PLCG1: variants seen among roughly 807,000 people sequenced by gnomAD.
The protein encoded by PLCG1 is phospholipase C gamma 1.
In PLCG1, 71 loss-of-function variants were observed where a neutral mutation model predicts 177.8. The observed-to-expected ratio is 0.40, with a 90% CI of 0.33 to 0.49. PLCG1 has a LOEUF of 0.49. Ranked by LOEUF, PLCG1 falls within the 20% of genes least tolerant of loss-of-function variation. The pLI is 0.72. For synonymous variants in PLCG1, 658 were observed against 647.9 expected (o/e 1.02, Z -0.24); for missense variants, 1,281 against 1,709.0 (o/e 0.75, Z 4.42).
chr20:41,177,381 G>GCTCC lies in PLCG1; in HGVS notation c.*2872_*2873insCTCC, dbSNP rs2036093640. The GCTCC allele has an allele frequency of 6.6e-6, 1 of 152,270 alleles. No homozygotes were observed. Among genetic ancestry groups the GCTCC allele is most frequent in the Admixed American group, 6.5e-5 (1 of 15,284 alleles). The allele number at this position is 152,270 out of a possible 1,614,324, so 9.4% of individuals were successfully genotyped here. ...AGTTTCTGACCTCAGTTGAGTATCT[G>GCTCC]TGGCCATGAGCAGAAAAGGCAGGGG... On this transcript the variant is annotated 3_prime_UTR_variant, in exon 32 of 32. Transcript: ENST00000685551.
intron 1 of PLCG1, among the ~76,000 whole-genome samples, chr20:41,142,208 G>A (rs1302843803): frequency 6.6e-6 from 1 of 152,236 alleles, no homozygotes; most frequent in East Asian, 1.9e-4. Context: ...GACCTTTGAG[G>A]TAGGCCTTGA....
rs34825003 is a variant in PLCG1 at position 41,153,455 on chromosome 20, T to A, written c.218-6151T>A. ...ACAGGCATGTGCTACCATGTCTAGC[T>A]AAGTTTTTTTAATTTTTATTTTTTG... On this transcript the variant is annotated intron_variant, in intron 1 of 31. Coordinates refer to ENST00000685551, the MANE Select transcript of PLCG1 (RefSeq NM_002660.3). The surrounding 1 kb of genome is among the most constrained non-coding windows in gnomAD (Gnocchi z 5.1). 7.5e-3 allele frequency among the ~76,000 whole-genome samples: 1,143 copies of A among 152,278 alleles called. 13 individuals carry two copies. The highest frequency in any genetic ancestry group is 0.023 in the East Asian group (118 of 5,178).
Position 41,137,897 on chromosome 20 carries a change from G to T in PLCG1, c.217+39G>T. On this transcript the variant is annotated intron_variant, in intron 1 of 31. Transcript: ENST00000685551. This position sits in a 1 kb window ranked among gnomAD's most constrained non-coding sequence, Gnocchi z 7.3. ...CTTCCTGCCTGGGCCCGCCCCGCGC[G>T]GGGGTCGTGGGAGCCCGGCCCGACT... The T allele has an allele frequency of 1.6e-6, 2 of 1,216,718 alleles. No individual in the cohort carries two copies. Among genetic ancestry groups the T allele is most frequent in the Non-Finnish European group, 1.0e-6 (1 of 960,228 alleles). 75.4% of individuals were successfully genotyped at this position (1,216,718 alleles called of 1,614,324 possible).
At position 41,159,261 on chromosome 20, in the gene PLCG1, A is replaced by AGTG. The variant is rs763902413; in HGVS notation, c.218-342_218-340dup. ...GATTTGTGTGTACCTTGTGTCAGGA[A>AGTG]GTGGTCCTCATGAACAGCCTTGGGT... On this transcript the variant is annotated intron_variant, in intron 1 of 31. Transcript: ENST00000685551. This position sits in a 1 kb window ranked among gnomAD's most constrained non-coding sequence, Gnocchi z 6.0. Among the ~76,000 whole-genome samples the AGTG allele has an allele frequency of 2.0e-4, 30 of 152,280 alleles. No individual in the cohort carries two copies. The highest frequency in any genetic ancestry group is 1.0e-3 in the South Asian group (5 of 4,828).
chr20:41,166,703 C>T lies in PLCG1; in HGVS notation c.2145C>T (p.Cys715=), dbSNP rs765266484. ...GGGCTGAGGGCAAGATCAAGCATTG[C>T]CGTGTCCAGCAAGAGGGCCAGACAG... ...SFRAEGKIKH[C]RVQQEGQTVM... The change falls in exon 19 of 32, where the codon TGC becomes TGT. Residue 715 remains cysteine, a synonymous_variant. Coordinates refer to ENST00000685551, the MANE Select transcript of PLCG1 (RefSeq NM_002660.3). This position sits in a 1 kb window ranked among gnomAD's most constrained non-coding sequence, Gnocchi z 8.6. 4 of 1,614,166 alleles carry T rather than the reference C, an allele frequency of 2.5e-6. No homozygotes were observed. The South Asian group carries it at 3.3e-5, about 13-fold the overall frequency.
At position 41,163,116 on chromosome 20, in the gene PLCG1, G is replaced by A. The variant is rs2035566996; in HGVS notation, c.717-87G>A. ...CCATGCTGGACCATTCTGGGAAGCT[G>A]TGCTGGCTGGGAGTTGGGTTCTGCC... is the stretch of plus-strand genomic sequence containing the variant. On this transcript the variant is annotated intron_variant, in intron 7 of 31. Coordinates refer to ENST00000685551, the MANE Select transcript of PLCG1 (RefSeq NM_002660.3). The surrounding 1 kb of genome is among the most constrained non-coding windows in gnomAD (Gnocchi z 5.2). The A allele has an allele frequency of 3.3e-6, 5 of 1,496,192 alleles. No homozygotes were observed. The Admixed American group carries it at 8.6e-5, about 26-fold the overall frequency. The allele number at this position is 1,496,192 out of a possible 1,614,324, so 92.7% of individuals were successfully genotyped here. A position where few individuals can be genotyped will look rare whatever the true frequency, so the allele number is the denominator to read the frequency against.
At position 41,157,230 on chromosome 20, in the gene PLCG1, G is replaced by GTGTGTA. The variant is rs2035352321; in HGVS notation, c.218-2371_218-2370insATGTGT. Reference sequence around the variant, plus strand: ...TGTGTGTGTGTGTGTGTGTGTGTGTGTGTGTGTGTGTACAGTCACACTCAC... The same window carrying GTGTGTA: ...TGTGTGTGTGTGTGTGTGTGTGTGTGTGTGTATGTGTGTGTGTACAGTCACACTCAC... On this transcript the variant is annotated intron_variant, in intron 1 of 31. Transcript: ENST00000685551. The surrounding 1 kb of genome is among the most constrained non-coding windows in gnomAD (Gnocchi z 5.4). Among the ~76,000 whole-genome samples the GTGTGTA allele has an allele frequency of 6.7e-6, 1 of 149,562 alleles. No individual in the cohort carries two copies. The highest frequency in any genetic ancestry group is 1.5e-5 in the Non-Finnish European group (1 of 66,474).
Position 41,173,648 on chromosome 20 carries a change from A to G in PLCG1, c.3395-4A>G, listed in dbSNP as rs374044970. 3.1e-6 allele frequency: 5 copies of G among 1,614,056 alleles called. No homozygotes were observed. The African/African-American group carries it at 5.3e-5, about 17-fold the overall frequency. On this transcript the variant is annotated splice_region_variant and splice_polypyrimidine_tract_variant and intron_variant, in intron 28 of 31. Transcript: ENST00000685551. The surrounding 1 kb of genome is among the most constrained non-coding windows in gnomAD (Gnocchi z 6.2). ...CCTGAAGCCTTTTGTCGTTGCCTTC[A>G]CAGTGGACAATGGACTCAACCCTGT... is the stretch of plus-strand genomic sequence containing the variant.
chr20:41,154,915 C>T lies in PLCG1; in HGVS notation c.218-4691C>T, dbSNP rs190986123. On this transcript the variant is annotated intron_variant, in intron 1 of 31. Transcript: ENST00000685551. The stretch of plus-strand genomic sequence containing the variant: ...GCATAGGGTGGCTCAGATGAGGAAA[C>T]AGGCTCCTCTTTTAAAGGGAAAGCA... Among the ~76,000 whole-genome samples, 77 of 152,302 alleles carry T rather than the reference C, an allele frequency of 5.1e-4. 1 individual carries two copies. The highest frequency in any genetic ancestry group is 4.8e-3 in the East Asian group (25 of 5,184).
Position 41,166,995 on chromosome 20 carries a change from G to C in PLCG1, c.2301+136G>C, listed in dbSNP as rs1762238349. On this transcript the variant is annotated intron_variant, in intron 19 of 31. Coordinates refer to ENST00000685551, the MANE Select transcript of PLCG1 (RefSeq NM_002660.3). The surrounding 1 kb of genome is among the most constrained non-coding windows in gnomAD (Gnocchi z 8.6). ...TGGGAGGGCCCCTGACTCCAGCTGG[G>C]AGCCACAGTGTGGGTACCAGGAGGG... 1 of 772,670 alleles carries C rather than the reference G, an allele frequency of 1.3e-6. No individual in the cohort carries two copies. The highest frequency in any genetic ancestry group is 2.2e-6 in the Non-Finnish European group (1 of 460,140). 47.9% of individuals were successfully genotyped at this position (772,670 alleles called of 1,614,324 possible).
rs1296894431 is a variant in PLCG1, at chr20:41,148,691, G to A, written c.217+10833G>A. Among the ~76,000 whole-genome samples, 1 of 152,180 alleles carries A rather than the reference G, an allele frequency of 6.6e-6. No individual in the cohort carries two copies. Among genetic ancestry groups the A allele is most frequent in the African/African-American group, 2.4e-5 (1 of 41,434 alleles). On this transcript the variant is annotated intron_variant, in intron 1 of 31. Transcript: ENST00000685551. The surrounding 1 kb of genome is among the most constrained non-coding windows in gnomAD (Gnocchi z 4.3). ...CTCTCAAGGAGTTTACGCTCTAGTGGAGAAAACAATCAGACAGCCTTAAAA... is the reference window on the plus strand; with the variant it reads ...CTCTCAAGGAGTTTACGCTCTAGTGAAGAAAACAATCAGACAGCCTTAAAA...
chr20:41,168,743 G>A (rs756077854), intron 20 of PLCG1, 24 bp from the exon 21 acceptor site: 1 of 1,468,346 alleles, frequency 6.8e-7, no homozygotes, highest in Non-Finnish European at 9.5e-7. Context: ...TTTCTGCTCT[G>A]ACTGGTGCTT....
At position 41,165,595 on chromosome 20, in the gene PLCG1, T is replaced by TG. The variant is rs55930581; in HGVS notation, c.1612-41dup. On this transcript the variant is annotated intron_variant, in intron 15 of 31. Transcript: ENST00000685551. The surrounding 1 kb of genome is among the most constrained non-coding windows in gnomAD (Gnocchi z 6.6). ...TCTGGGGGCTGGGCCAGGTCAGGCC[T>TG]GGGCCAGGGTCACAGTATCTTTGCT... The TG allele has an allele frequency of 1.5e-3, 2,413 of 1,612,092 alleles. 5 individuals carry two copies. Among genetic ancestry groups the TG allele is most frequent in the Non-Finnish European group, 1.9e-3 (2,284 of 1,178,302 alleles).
chr20:41,170,487 G>T (rs2035862609), intron 24 of PLCG1: 1 of 551,022 alleles, frequency 1.8e-6, no homozygotes, highest in Admixed American at 3.3e-5. Context: ...ATACTGATGG[G>T]TCGTTGAAGT....
chr20:41,167,773 A>G lies in PLCG1; in HGVS notation c.2302-79A>G, dbSNP rs1167478202. On this transcript the variant is annotated intron_variant, in intron 19 of 31. Coordinates refer to ENST00000685551, the MANE Select transcript of PLCG1 (RefSeq NM_002660.3). The surrounding 1 kb of genome is among the most constrained non-coding windows in gnomAD (Gnocchi z 4.4). ...AGTTTGCTGCACTGGGGGAAAGGGA[A>G]GCTGCTCCAGAAACCAGTAGCTGCT... is the stretch of plus-strand genomic sequence containing the variant. The G allele has an allele frequency of 3.0e-6, 3 of 1,008,528 alleles. No homozygotes were observed. Among genetic ancestry groups the G allele is most frequent in the African/African-American group, 3.1e-5 (2 of 63,618 alleles). 62.5% of individuals were successfully genotyped at this position (1,008,528 alleles called of 1,614,324 possible).
Position 41,165,928 on chromosome 20 carries a change from C to T in PLCG1, c.1799+102C>T, listed in dbSNP as rs2035672070. On this transcript the variant is annotated intron_variant, in intron 16 of 31. Transcript: ENST00000685551. The surrounding 1 kb of genome is among the most constrained non-coding windows in gnomAD (Gnocchi z 6.6). ...TAACATTTGAGCCTTTGATCCAGGA[C>T]AATAATTAGGCTTTACATGGAACAT... 2.0e-6 allele frequency: 2 copies of T among 1,001,530 alleles called. No homozygotes were observed. The highest frequency in any genetic ancestry group is 3.2e-5 in the African/African-American group (2 of 61,852). The allele number at this position is 1,001,530 out of a possible 1,614,324, so 62.0% of individuals were successfully genotyped here.
In PLCG1 at chr20:41,172,995, G is replaced by A; in HGVS notation, c.3279+118G>A. The A allele has an allele frequency of 1.9e-6, 2 of 1,065,282 alleles. No homozygotes were observed. Among genetic ancestry groups the A allele is most frequent in the Non-Finnish European group, 1.4e-6 (1 of 738,774 alleles). 66.0% of individuals were successfully genotyped at this position (1,065,282 alleles called of 1,614,324 possible). ...AGGCATCAAGGTGGTCAGGGTGGGT[G>A]GGGCCTGAGCTGAGTCTTTGAAGGG... On this transcript the variant is annotated intron_variant, in intron 27 of 31. Coordinates refer to ENST00000685551, the MANE Select transcript of PLCG1 (RefSeq NM_002660.3). The surrounding 1 kb of genome is among the most constrained non-coding windows in gnomAD (Gnocchi z 7.0).
rs1400350372 is a variant in PLCG1 at position 41,148,450 on chromosome 20, TCCTCTC to T, written c.217+10596_217+10601del. ...ATTTCTTCTCCCAACCCATTCCATT[TCCTCTC>T]CCTTGTGAGAGGGCTCTGCAGAGAC... On this transcript the variant is annotated intron_variant, in intron 1 of 31. Coordinates refer to ENST00000685551, the MANE Select transcript of PLCG1 (RefSeq NM_002660.3). The surrounding 1 kb of genome is among the most constrained non-coding windows in gnomAD (Gnocchi z 4.3). Among the ~76,000 whole-genome samples the T allele has an allele frequency of 6.6e-6, 1 of 151,942 alleles. No individual in the cohort carries two copies. Among genetic ancestry groups the T allele is most frequent in the Non-Finnish European group, 1.5e-5 (1 of 67,964 alleles).
At position 41,151,502 on chromosome 20, in the gene PLCG1, T is replaced by G. The variant is rs2035165749; in HGVS notation, c.218-8104T>G. ...ATAACCCTGTGACCTCAGAAGTCCC[T>G]GAACCCAGATCCTTGTTTGTAAAAT... On this transcript the variant is annotated intron_variant, in intron 1 of 31. Transcript: ENST00000685551. This position sits in a 1 kb window ranked among gnomAD's most constrained non-coding sequence, Gnocchi z 5.5. Among the ~76,000 whole-genome samples, 1 of 152,208 alleles carries G rather than the reference T, an allele frequency of 6.6e-6. No homozygotes were observed. The highest frequency in any genetic ancestry group is 6.5e-5 in the Admixed American group (1 of 15,290).
Sources: gnomAD v4.1 joint callset for allele counts (sites outside exome capture counted in the v4.1 genomes callset) on GRCh38, gnomAD v4.1.1 for gene constraint, Gnocchi (gnomAD v3.1) non-coding constraint, MANE v1.5 for transcripts, NCBI Gene and HGNC (gene_info 2026-07-23, HGNC 2026-07-21) for gene names.